Variants in CENPU observed in about 807,000 individuals in gnomAD.
CENPU encodes KSHV latent nuclear antigen interacting protein 1.
CENPU carries 46 observed loss-of-function variants against 56.7 expected under a neutral mutation model. The ratio of observed to expected loss-of-function variants is 0.81; its 90% CI spans 0.64 to 1.04. The LOEUF is 1.04. Among genes scored for constraint, CENPU ranks in the 50% least tolerant of loss-of-function variants. The probability of loss-of-function intolerance (pLI) is 0.00; values close to 1 mark genes in which losing one functional copy is unlikely to be tolerated. For missense variants in CENPU, 510 were observed against 490.1 expected, an observed-to-expected ratio of 1.04 and a Z score of -0.38; for synonymous variants, 166 against 163.0, an observed-to-expected ratio of 1.02 and a Z score of -0.14.
At chr4:184,708,555 A>T (rs1312875913) in intron 8 of CENPU, among the ~76,000 whole-genome samples, 1 of 152,160 alleles carries the variant, frequency 6.6e-6, no homozygotes, top group Non-Finnish European at 1.5e-5. Flanking sequence ...ATAACAGTTT[A>T]GAGAGCTAAA....
Position 184,695,140 on chromosome 4 carries a change from T to C in CENPU, c.*148A>G. 1.6e-6 allele frequency: 1 copy of C among 611,444 alleles called. No individual in the cohort carries two copies. Among genetic ancestry groups the C allele is most frequent in the Admixed American group, 2.8e-5 (1 of 35,354 alleles). 37.9% of individuals were successfully genotyped at this position (611,444 alleles called of 1,614,324 possible). A position where few individuals can be genotyped will look rare whatever the true frequency, so the allele number is the denominator to read the frequency against. On this transcript the variant is annotated 3_prime_UTR_variant, in exon 13 of 13. Coordinates refer to ENST00000281453, the MANE Select transcript of CENPU (RefSeq NM_024629.4). ...ACAAACTGATGCTATTTAACATTGT[T>C]CACAGCCATTTAATTTGAATAACAA... is the stretch of plus-strand genomic sequence containing the variant.
At chr4:184,726,920 C>T (rs1028276168) in intron 3 of CENPU, among the ~76,000 whole-genome samples, 7 of 137,510 alleles carry the variant, frequency 5.1e-5, no homozygotes, top group Admixed American at 8.7e-5. Context: ...AAAGCCCCAT[C>T]GCTACTGAAA....
intron 1 of CENPU, among the ~76,000 whole-genome samples, chr4:184,731,378 C>T (rs1425320358): frequency 6.6e-6 from 1 of 152,162 alleles, no homozygotes; most frequent in East Asian, 1.9e-4. Context: ...TGTGCTTGCC[C>T]ACAGCAACAC....
intron 11 of CENPU, among the ~76,000 whole-genome samples, chr4:184,698,953 G>GT (rs1579754488): frequency 6.6e-6 from 1 of 152,028 alleles, no homozygotes; most frequent in East Asian, 1.9e-4. Flanking sequence ...ATATACCATA[G>GT]GTTTTTTTAT....
chr4:184,723,841 C>CAAA (rs11299367), intron 4 of CENPU, among the ~76,000 whole-genome samples: 8 of 58,442 alleles, frequency 1.4e-4, no homozygotes, highest in African/African-American at 2.3e-4. Flanking sequence ...GACTCCATCT[C>CAAA]AAAAAAAAAA....
At chr4:184,727,847 C>T (rs1300884882) in intron 3 of CENPU, among the ~76,000 whole-genome samples, 1 of 152,202 alleles carries the variant, frequency 6.6e-6, no homozygotes, top group Non-Finnish European at 1.5e-5. Context: ...ATACACGTTA[C>T]AACATGGACA....
In CENPU at chr4:184,694,444, A is replaced by G; in HGVS notation, c.*844T>C. The G allele has an allele frequency of 2.7e-6, 4 of 1,508,268 alleles. No homozygotes were observed. The highest frequency in any genetic ancestry group is 3.6e-6 in the Non-Finnish European group (4 of 1,125,814). 93.4% of individuals were successfully genotyped at this position (1,508,268 alleles called of 1,614,324 possible). On this transcript the variant is annotated 3_prime_UTR_variant, in exon 13 of 13. Transcript: ENST00000281453. ...GTCACTTAATACCTTACTTCAACAT[A>G]GAGTATAAGGTTAAATCACATATCC...
At position 184,695,296 on chromosome 4, in the gene CENPU, GGT is replaced by G; in HGVS notation, c.1247_1248del (p.Asp416AlafsTer9). ...TTAGTAGACTGCTCTTCTCATCCCTGGTCAAGGAGCTTCTCTAACTGATGGTT... is the reference window on the plus strand; with the variant it reads ...TTAGTAGACTGCTCTTCTCATCCCTGCAAGGAGCTTCTCTAACTGATGGTT... ...NINHQLEKLL[D>X]QG On this transcript the variant is annotated frameshift_variant, in exon 13 of 13. Transcript: ENST00000281453. LOFTEE classifies it high-confidence loss of function. 1 of 1,610,790 alleles carries G rather than the reference GGT, an allele frequency of 6.2e-7. No homozygotes were observed. The highest frequency in any genetic ancestry group is 8.5e-7 in the Non-Finnish European group (1 of 1,177,190).
chr4:184,725,560 A>G (rs1230464748), intron 3 of CENPU, among the ~76,000 whole-genome samples: 2 of 152,232 alleles, frequency 1.3e-5, no homozygotes, highest in Non-Finnish European at 2.9e-5. Flanking sequence ...TCGGAAGTCC[A>G]ACATTTTCTT....
Position 184,695,057 on chromosome 4 carries a change from T to C in CENPU, c.*231A>G. The C allele has an allele frequency of 5.6e-6, 3 of 531,470 alleles. No individual in the cohort carries two copies. The highest frequency in any genetic ancestry group is 1.0e-5 in the Non-Finnish European group (3 of 299,732). 32.9% of individuals were successfully genotyped at this position (531,470 alleles called of 1,614,324 possible). A position where few individuals can be genotyped will look rare whatever the true frequency, so the allele number is the denominator to read the frequency against. On this transcript the variant is annotated 3_prime_UTR_variant, in exon 13 of 13. Transcript: ENST00000281453. ...CTGGGACCGATTAAGGTGTCAACAT[T>C]TTAAAATTACTCAAGATATTAACCA...
At position 184,725,047 on chromosome 4, in the gene CENPU, C is replaced by A; in HGVS notation, c.230G>T (p.Ser77Ile). ...TYETFDPPLH[S>I]TAIYADEEEF... is the part of the protein sequence containing the mutation. ...TTCTTCATCAGCATATATAGCTGTGCTATGTAAAGGAGGATCTTTCAAAAG... is the reference window on the plus strand; with the variant it reads ...TTCTTCATCAGCATATATAGCTGTGATATGTAAAGGAGGATCTTTCAAAAG... The change falls in exon 4 of 13, where the codon AGC becomes ATC. Residue 77 changes from serine to isoleucine, a missense_variant. Coordinates refer to ENST00000281453, the MANE Select transcript of CENPU (RefSeq NM_024629.4). 1.9e-6 allele frequency: 3 copies of A among 1,607,736 alleles called. No homozygotes were observed. The highest frequency in any genetic ancestry group is 2.5e-6 in the Non-Finnish European group (3 of 1,176,688).
At chr4:184,718,529 T>C (rs1039317239) in intron 4 of CENPU, among the ~76,000 whole-genome samples, 1 of 152,034 alleles carries the variant, frequency 6.6e-6, no homozygotes, top group African/African-American at 2.4e-5. Flanking sequence ...TTTCAAAAGA[T>C]CACTCTGGAA....
intron 1 of CENPU, among the ~76,000 whole-genome samples, chr4:184,733,720 C>T (rs1175194907): frequency 6.6e-6 from 1 of 152,230 alleles, no homozygotes; most frequent in African/African-American, 2.4e-5. Context: ...TGCTTTCAAG[C>T]TAGCACTTTG....
chr4:184,694,249 C>T lies in CENPU; in HGVS notation c.*1039G>A. ...TGTTAAAAAATTAAATCCACCCTTG[C>T]TCTTCCGTCGGGGAGTATTGAAAAG... On this transcript the variant is annotated 3_prime_UTR_variant, in exon 13 of 13. Coordinates refer to ENST00000281453, the MANE Select transcript of CENPU (RefSeq NM_024629.4). 7 of 1,141,000 alleles carry T rather than the reference C, an allele frequency of 6.1e-6. No homozygotes were observed. The South Asian group carries it at 2.6e-4, about 42-fold the overall frequency. The allele number at this position is 1,141,000 out of a possible 1,614,324, so 70.7% of individuals were successfully genotyped here.
At chr4:184,721,788 A>G (rs1015718143) in intron 4 of CENPU, among the ~76,000 whole-genome samples, 23 of 152,344 alleles carry the variant, frequency 1.5e-4, no homozygotes, top group African/African-American at 5.5e-4. Flanking sequence ...GACAGACCCC[A>G]ATACATTAGC....
chr4:184,702,214 G>T, intron 9 of CENPU, 78 bp from the exon 10 acceptor site: 1 of 1,292,334 alleles, frequency 7.7e-7, no homozygotes, highest in Non-Finnish European at 1.1e-6. Context: ...GTCACATTTA[G>T]TTTAAAAACA....
rs1257592055 is a variant in CENPU at position 184,694,377 on chromosome 4, T to C, written c.*911A>G. The C allele has an allele frequency of 2.8e-6, 4 of 1,414,220 alleles. No individual in the cohort carries two copies. Among genetic ancestry groups the C allele is most frequent in the Non-Finnish European group, 3.7e-6 (4 of 1,085,388 alleles). 87.6% of individuals were successfully genotyped at this position (1,414,220 alleles called of 1,614,324 possible). A position where few individuals can be genotyped will look rare whatever the true frequency, so the allele number is the denominator to read the frequency against. ...CAGTGCACTCATTCCCACGGTGAGA[T>C]ATCGGAGACAGCATTCCTCCTGCAT... On this transcript the variant is annotated 3_prime_UTR_variant, in exon 13 of 13. Transcript: ENST00000281453.
intron 6 of CENPU, 31 bp from the exon 7 acceptor site, chr4:184,713,044 G>GAA: frequency 7.1e-7 from 1 of 1,409,952 alleles, no homozygotes; most frequent in Non-Finnish European, 9.8e-7. Flanking sequence ...AAGTTTTTAA[G>GAA]AAAAGTTTTC....
chr4:184,732,417 T>G (rs1005344624), intron 1 of CENPU, among the ~76,000 whole-genome samples: 1 of 152,162 alleles, frequency 6.6e-6, no homozygotes, highest in African/African-American at 2.4e-5. Flanking sequence ...AAGTTCACGA[T>G]TTATTTATTT....
Sources: allele counts gnomAD v4.1 joint callset (sites outside exome capture counted in the v4.1 genomes callset), GRCh38; gene constraint gnomAD v4.1.1; transcripts MANE v1.5; gene names NCBI Gene and HGNC (gene_info 2026-07-23, HGNC 2026-07-21).